The following IL24 variants were observed in gnomAD, a reference collection of about 807,000 sequenced individuals.
IL24 encodes interleukin-24.
In IL24, 24 loss-of-function variants were observed where a neutral mutation model predicts 27.6. The ratio of observed to expected loss-of-function variants is 0.87; its 90% CI spans 0.63 to 1.22. The LOEUF (loss-of-function observed/expected upper bound fraction) is 1.22, where lower values mean the gene tolerates loss of function less well. Ranked by LOEUF, IL24 falls within the 50% of genes most tolerant of loss-of-function variation. The pLI is 0.00. For missense variants in IL24, 240 were observed against 237.0 expected (o/e 1.01, Z -0.08); for synonymous variants, 99 against 93.1 (o/e 1.06, Z -0.36).
At chr1:206,902,647 T>C (rs1017526772) in intron 6 of IL24, 30 of 985,244 alleles carry the variant, frequency 3.0e-5, no homozygotes, top group Non-Finnish European at 3.6e-5. Context: ...AGGGGCCACC[T>C]GGGCTCATTT....
At chr1:206,900,407 G>C in intron 4 of IL24, 50 bp downstream of exon 4, 1 of 1,546,908 alleles carries the variant, frequency 6.5e-7, no homozygotes, top group Non-Finnish European at 8.9e-7. Flanking sequence ...TCTACTGTGG[G>C]TGGGAGTGCA....
At chr1:206,900,877 ATAATACC>A (rs1296878400) in intron 4 of IL24, among the ~76,000 whole-genome samples, 1 of 152,130 alleles carries the variant, frequency 6.6e-6, no homozygotes, top group African/African-American at 2.4e-5. Context: ...ATGACTTAAA[ATAATACC>A]TAACAAAAGG....
At chr1:206,899,885 G>A (rs543126775) in intron 3 of IL24, among the ~76,000 whole-genome samples, 2 of 152,254 alleles carry the variant, frequency 1.3e-5, no homozygotes, top group South Asian at 4.1e-4. Flanking sequence ...TAGGGTGCAG[G>A]CTGTCCTCCC....
intron 6 of IL24, 183 bp downstream of exon 6, chr1:206,902,255 C>G (rs1572608017): frequency 1.0e-6 from 1 of 985,360 alleles, no homozygotes; most frequent in East Asian, 1.1e-4. Context: ...ACTAAGTGGT[C>G]TTTTTTCTTC....
At chr1:206,899,875 T>C (rs1340265019) in intron 3 of IL24, among the ~76,000 whole-genome samples, 2 of 125,000 alleles carry the variant, frequency 1.6e-5, no homozygotes, top group Non-Finnish European at 3.8e-5. Context: ...GAGGCAGCTC[T>C]AGGGTGCAGG....
chr1:206,903,087 T>C lies in IL24; in HGVS notation c.*28T>C. On this transcript the variant is annotated 3_prime_UTR_variant, in exon 7 of 7. Transcript: ENST00000294984. ...GTCTAGACCAGGACCTCCCTCCCCC[T>C]GGCACTGGTTTGTTCCCTGTGTCAT... 6.4e-7 allele frequency: 1 copy of C among 1,571,348 alleles called. No homozygotes were observed. The highest frequency in any genetic ancestry group is 8.8e-7 in the Non-Finnish European group (1 of 1,140,882).
intron 6 of IL24, 95 bp downstream of exon 6, chr1:206,902,167 T>C (rs1381759846): frequency 3.9e-6 from 6 of 1,549,544 alleles, no homozygotes; most frequent in Non-Finnish European, 5.2e-6. Context: ...CAGAATGTAA[T>C]GCAGGGGACA....
chr1:206,903,119 C>T lies in IL24; in HGVS notation c.*60C>T. Reference sequence around the variant, plus strand: ...GGTTTGTTCCCTGTGTCATTTCAAACAGTCTCCCTTCCTATGCTGTTCACT... The same window carrying T: ...GGTTTGTTCCCTGTGTCATTTCAAATAGTCTCCCTTCCTATGCTGTTCACT... On this transcript the variant is annotated 3_prime_UTR_variant, in exon 7 of 7. Coordinates refer to ENST00000294984, the MANE Select transcript of IL24 (RefSeq NM_006850.3). 3 of 1,392,552 alleles carry T rather than the reference C, an allele frequency of 2.2e-6. No individual in the cohort carries two copies. Among genetic ancestry groups the T allele is most frequent in the East Asian group, 2.3e-5 (1 of 43,786 alleles). 86.3% of individuals were successfully genotyped at this position (1,392,552 alleles called of 1,614,324 possible).
chr1:206,901,933 T>C, intron 5 of IL24, 65 bp from the exon 6 acceptor site: 1 of 1,518,330 alleles, frequency 6.6e-7, no homozygotes, highest in Non-Finnish European at 9.1e-7. Context: ...GCAGGAAAAC[T>C]GAGAGGGAGT....
At chr1:206,902,824 A>G in intron 6 of IL24, 152 bp from the exon 7 acceptor site, 1 of 1,533,172 alleles carries the variant, frequency 6.5e-7, no homozygotes, top group Non-Finnish European at 8.8e-7. Context: ...AGATGGAGGA[A>G]AAGTGACAGG....
At chr1:206,901,112 A>C (rs960721498) in intron 4 of IL24, among the ~76,000 whole-genome samples, 1 of 152,186 alleles carries the variant, frequency 6.6e-6, no homozygotes, top group Non-Finnish European at 1.5e-5. Context: ...AGCAAACTCT[A>C]TATCACCAAG....
In IL24 at chr1:206,904,117, C is replaced by G. The variant is rs1457750392; in HGVS notation, c.*1058C>G. ...AGTGCTATTGCAGAGCCGTGGCCAC[C>G]CAGGAACTCCTGACTGCTTTCCTTC... is the stretch of plus-strand genomic sequence containing the variant. On this transcript the variant is annotated 3_prime_UTR_variant, in exon 7 of 7. Coordinates refer to ENST00000294984, the MANE Select transcript of IL24 (RefSeq NM_006850.3). The G allele has an allele frequency of 6.6e-6, 1 of 152,218 alleles. No individual in the cohort carries two copies. Among genetic ancestry groups the G allele is most frequent in the African/African-American group, 2.4e-5 (1 of 41,384 alleles). The allele number at this position is 152,218 out of a possible 1,614,324, so 9.4% of individuals were successfully genotyped here.
At chr1:206,898,257 G>A (rs980075070) in intron 2 of IL24, among the ~76,000 whole-genome samples, 13 of 151,054 alleles carry the variant, frequency 8.6e-5, no homozygotes, top group South Asian at 2.1e-4. Context: ...CCCGTCCCCC[G>A]TGACCCATAA....
Position 206,903,159 on chromosome 1 carries a change from C to G in IL24, c.*100C>G. 1 of 1,012,482 alleles carries G rather than the reference C, an allele frequency of 9.9e-7. No individual in the cohort carries two copies. The highest frequency in any genetic ancestry group is 1.6e-6 in the Non-Finnish European group (1 of 642,428). 62.7% of individuals were successfully genotyped at this position (1,012,482 alleles called of 1,614,324 possible). ...TGCTGTTCACTGGACACTTCACGCCCTTGGCCATGGGTCCCATTCTTGGCC... is the reference window on the plus strand; with the variant it reads ...TGCTGTTCACTGGACACTTCACGCCGTTGGCCATGGGTCCCATTCTTGGCC... On this transcript the variant is annotated 3_prime_UTR_variant, in exon 7 of 7. Coordinates refer to ENST00000294984, the MANE Select transcript of IL24 (RefSeq NM_006850.3).
intron 3 of IL24, among the ~76,000 whole-genome samples, chr1:206,899,792 C>T (rs1242177905): frequency 9.2e-5 from 14 of 152,118 alleles, no homozygotes; most frequent in Non-Finnish European, 1.8e-4. Flanking sequence ...GGCTTCGTCC[C>T]GAATAGAGTC....
intron 5 of IL24, 144 bp downstream of exon 5, chr1:206,901,796 T>C: frequency 2.3e-6 from 2 of 854,464 alleles, no homozygotes; most frequent in South Asian, 1.7e-5. Context: ...CACTCCTGCC[T>C]GGCAGGATTG....
intron 2 of IL24, 77 bp from the exon 3 acceptor site, chr1:206,899,243 C>G: frequency 6.8e-7 from 1 of 1,471,908 alleles, no homozygotes; most frequent in East Asian, 2.3e-5. Context: ...CGGGGAGACC[C>G]TCGGAGCATT....
rs754365776 is a variant in IL24 at position 206,901,515 on chromosome 1, G to T, written c.325G>T (p.Val109Phe). 5.0e-6 allele frequency: 8 copies of T among 1,613,454 alleles called. No individual in the cohort carries two copies. The highest frequency in any genetic ancestry group is 6.8e-6 in the Non-Finnish European group (8 of 1,179,592). Reference protein sequence around the residue: ...NVSDAESCYLVHTLLEFYLKT... With the variant: ...NVSDAESCYLFHTLLEFYLKT... ...CCAGGATGCTGAGAGCTGTTACCTT[G>T]TCCACACCCTGCTGGAGTTCTACTT... is the stretch of plus-strand genomic sequence containing the variant. Residue 109 changes from valine (V) to phenylalanine (F), a missense_variant, in exon 5 of 7, where the codon GTC (valine) becomes TTC (phenylalanine). Coordinates refer to ENST00000294984, the MANE Select transcript of IL24 (RefSeq NM_006850.3).
At chr1:206,901,093 T>C (rs1197291873) in intron 4 of IL24, among the ~76,000 whole-genome samples, 1 of 152,220 alleles carries the variant, frequency 6.6e-6, no homozygotes, top group Non-Finnish European at 1.5e-5. Context: ...CTGTTCTCAG[T>C]CATTTTCCAG....
Sources: gnomAD v4.1 joint callset for allele counts (sites outside exome capture counted in the v4.1 genomes callset) on GRCh38, gnomAD v4.1.1 for gene constraint, MANE v1.5 for transcripts, NCBI Gene and HGNC (gene_info 2026-07-23, HGNC 2026-07-21) for gene names.